The following PTPRD variants were observed in gnomAD, a reference collection of about 807,000 sequenced individuals.
The protein encoded by PTPRD is receptor-type tyrosine-protein phosphatase delta.
In PTPRD, 34 loss-of-function variants were observed where a neutral mutation model predicts 214.5. The ratio of observed to expected loss-of-function variants is 0.16; its 90% CI spans 0.12 to 0.21. The LOEUF is 0.21. Among genes scored for constraint, PTPRD ranks in the 10% least tolerant of loss-of-function variants. The pLI, the probability that PTPRD is intolerant of heterozygous loss-of-function variation, is 1.00. For synonymous variants in PTPRD, 1,128 were observed against 845.7 expected, an observed-to-expected ratio of 1.33 and a Z score of -5.79; for missense variants, 2,545 against 2,398.7, an observed-to-expected ratio of 1.06 and a Z score of -1.27.
intron 10 of PTPRD, among the ~76,000 whole-genome samples, chr9:9,084,818 G>C (rs1440043317): frequency 1.3e-5 from 2 of 152,104 alleles, no homozygotes; most frequent in Non-Finnish European, 2.9e-5. Flanking sequence ...CTCATCAAAA[G>C]AGCCATCCAA....
At chr9:8,468,837 AC>A in intron 31 of PTPRD, among the ~76,000 whole-genome samples, 1 of 151,792 alleles carries the variant, frequency 6.6e-6, no homozygotes, top group East Asian at 1.9e-4. Flanking sequence ...GGGATCAAAA[AC>A]TGGATGAGTA....
chr9:9,294,647 A>G (rs976987210), intron 9 of PTPRD, among the ~76,000 whole-genome samples: 1 of 151,626 alleles, frequency 6.6e-6, no homozygotes, highest in African/African-American at 2.4e-5. Flanking sequence ...TCATACCAAG[A>G]TGGAGGCCGT....
At chr9:10,371,921 ACTTTAACT>A (rs1206599560) in intron 2 of PTPRD, among the ~76,000 whole-genome samples, 1 of 152,064 alleles carries the variant, frequency 6.6e-6, no homozygotes, top group African/African-American at 2.4e-5. Flanking sequence ...TATGTGATCT[ACTTTAACT>A]CTTGGGTCAT....
rs575632143 is a variant in PTPRD, at chr9:10,576,103, C to A, written c.-600+36295G>T. ...TTCTACTGACAATTAACCCAGATTC[C>A]ATTTCTTCCCTTGCCTATGAATCAC... On this transcript the variant is annotated intron_variant, in intron 2 of 45. Coordinates refer to ENST00000381196, the MANE Select transcript of PTPRD (RefSeq NM_002839.4). Among the ~76,000 whole-genome samples, 7 of 152,284 alleles carry A rather than the reference C, an allele frequency of 4.6e-5. No individual in the cohort carries two copies. The East Asian group carries it at 9.6e-4, about 21-fold the overall frequency.
At chr9:8,341,066 A>T in intron 41 of PTPRD, 24 bp downstream of exon 41, 1 of 1,558,332 alleles carries the variant, frequency 6.4e-7, no homozygotes, top group Non-Finnish European at 8.7e-7. Context: ...GGCTTTGGAT[A>T]GTCAGGGGAG....
chr9:9,766,640 T>C (rs540921951), intron 6 of PTPRD, among the ~76,000 whole-genome samples, 170 bp downstream of exon 6: 23 of 152,258 alleles, frequency 1.5e-4, no homozygotes, highest in African/African-American at 5.3e-4. Context: ...ATATATTTGA[T>C]AGCCAGAATT....
At chr9:9,027,442 G>T (rs894026110) in intron 10 of PTPRD, among the ~76,000 whole-genome samples, 2 of 151,918 alleles carry the variant, frequency 1.3e-5, no homozygotes, top group African/African-American at 4.8e-5. Flanking sequence ...TTGAGTTTAA[G>T]AATCTTTCTT....
Position 8,720,856 on chromosome 9 carries a change from G to A in PTPRD, c.64+12924C>T, listed in dbSNP as rs117910574. ...ACTACAATGAACCTGGATAACTCTG[G>A]ACCTGATGCCCACTGGCATCTCTTG... On this transcript the variant is annotated intron_variant, in intron 12 of 45. Transcript: ENST00000381196. 2.6e-3 allele frequency among the ~76,000 whole-genome samples: 391 copies of A among 152,088 alleles called. 9 individuals are homozygous for A. The East Asian group carries it at 0.036, about 14-fold the overall frequency.
chr9:8,435,555 A>T (rs1564791071), intron 35 of PTPRD, among the ~76,000 whole-genome samples: 1 of 152,216 alleles, frequency 6.6e-6, no homozygotes, highest in African/African-American at 2.4e-5. Context: ...TTTTAATCTT[A>T]TGTTAAAACT....
At chr9:8,889,507 T>C (rs2098519494) in intron 11 of PTPRD, among the ~76,000 whole-genome samples, 1 of 152,190 alleles carries the variant, frequency 6.6e-6, no homozygotes, top group South Asian at 2.1e-4. Context: ...AGGTGGTTTT[T>C]GGCTACATGG....
At chr9:8,744,214 T>C (rs2092497575) in intron 11 of PTPRD, among the ~76,000 whole-genome samples, 1 of 152,206 alleles carries the variant, frequency 6.6e-6, no homozygotes, top group Non-Finnish European at 1.5e-5. Context: ...TGTAAACTAG[T>C]AAAACCGCTA....
chr9:9,638,175 C>A (rs552751123), intron 7 of PTPRD, among the ~76,000 whole-genome samples: 6 of 152,152 alleles, frequency 3.9e-5, no homozygotes, highest in Non-Finnish European at 8.8e-5. Context: ...TTTACTTGGC[C>A]AGGCTGAAAA....
At chr9:8,755,703 AT>A (rs775922143) in intron 11 of PTPRD, among the ~76,000 whole-genome samples, 25 of 152,216 alleles carry the variant, frequency 1.6e-4, no homozygotes, top group Non-Finnish European at 2.8e-4. Context: ...TTATTAATGC[AT>A]AGTTTGTCTT....
chr9:10,394,214 A>T (rs1410326927), intron 2 of PTPRD, among the ~76,000 whole-genome samples: 1 of 146,594 alleles, frequency 6.8e-6, no homozygotes, highest in East Asian at 2.0e-4. Flanking sequence ...AATATATAAT[A>T]TATATTTCTA....
intron 2 of PTPRD, among the ~76,000 whole-genome samples, chr9:10,414,983 G>C (rs1438984444): frequency 2.6e-5 from 4 of 151,544 alleles, no homozygotes; most frequent in Non-Finnish European, 5.9e-5. Flanking sequence ...TTGGTTACTA[G>C]GTTTAATATC....
chr9:10,238,442 C>T (rs1329607362), intron 3 of PTPRD, among the ~76,000 whole-genome samples: 1 of 151,904 alleles, frequency 6.6e-6, no homozygotes, highest in Non-Finnish European at 1.5e-5. Context: ...TATCAAACTT[C>T]CAACCTTCTC....
chr9:9,068,574 G>C (rs1474486975), intron 10 of PTPRD, among the ~76,000 whole-genome samples: 1 of 152,010 alleles, frequency 6.6e-6, no homozygotes, highest in African/African-American at 2.4e-5. Flanking sequence ...CCACATTAAA[G>C]TCTTTCTCAT....
At chr9:8,441,115 T>A (rs1338959155) in intron 34 of PTPRD, among the ~76,000 whole-genome samples, 1 of 152,150 alleles carries the variant, frequency 6.6e-6, no homozygotes, top group Non-Finnish European at 1.5e-5. Flanking sequence ...GTCAACATTT[T>A]CACACACAGA....
Position 8,528,772 on chromosome 9 carries a change from T to C in PTPRD, c.360A>G (p.Gln120=), listed in dbSNP as rs1165607074. 29 of 1,613,056 alleles carry C rather than the reference T, an allele frequency of 1.8e-5. No homozygotes were observed. Among genetic ancestry groups the C allele is most frequent in the Non-Finnish European group, 2.1e-5 (25 of 1,179,518 alleles). Residue 120 remains glutamine, a synonymous_variant, in exon 15 of 46, where the codon CAA becomes CAG. Coordinates refer to ENST00000381196, the MANE Select transcript of PTPRD (RefSeq NM_002839.4). ...CAATGGTAGGGAAGCCCCTGGGAAT[T>C]TGATCTTCTGCAAGACAAAAGGTGA... ...STRLTVLRED[Q]IPRGFPTIDM... is the part of the protein sequence containing the mutation.
Sources: gnomAD v4.1 joint callset for allele counts (sites outside exome capture counted in the v4.1 genomes callset) on GRCh38, gnomAD v4.1.1 for gene constraint, MANE v1.5 for transcripts, NCBI Gene and HGNC (gene_info 2026-07-23, HGNC 2026-07-21) for gene names.